PSKH2: variants seen among roughly 807,000 people sequenced by gnomAD.
PSKH2 encodes the protein serine/threonine-protein kinase H2.
PSKH2 carries 16 observed loss-of-function variants against 22.5 expected under a neutral mutation model. That is an observed-to-expected ratio of 0.71 (90% confidence interval 0.48 to 1.08). The LOEUF (loss-of-function observed/expected upper bound fraction) is 1.08, where lower values mean the gene tolerates loss of function less well. Among genes scored for constraint, PSKH2 ranks in the 50% least tolerant of loss-of-function variants. The pLI, the probability that PSKH2 is intolerant of heterozygous loss-of-function variation, is 0.00. For synonymous variants in PSKH2, 188 were observed against 184.8 expected (o/e 1.02, Z -0.14); for missense variants, 516 against 492.8 (o/e 1.05, Z -0.44).
At chr8:86,069,716 C>G (rs1361713708), upstream of PSKH2, 1 of 1,352,224 alleles carries the variant, frequency 7.4e-7, no homozygotes, top group Non-Finnish European at 9.6e-7. Flanking sequence ...CTGCGAGGGG[C>G]GGGACCCTCG....
At chr8:86,056,986 G>A (rs565179140) in intron 2 of PSKH2, among the ~76,000 whole-genome samples, 1 of 151,564 alleles carries the variant, frequency 6.6e-6, no homozygotes, top group Non-Finnish European at 1.5e-5. Flanking sequence ...CAGAAGACTG[G>A]AGTGCAGTGG....
At chr8:86,069,736 C>A (rs28701540), upstream of PSKH2, 10,142 of 1,242,686 alleles carry the variant, frequency 8.2e-3, 730 homozygotes, top group African/African-American at 0.14. Context: ...GGAAAGAAAC[C>A]CCACTGGGGG....
rs140202005 is a variant in PSKH2 at position 86,051,800 on chromosome 8, T to C, written c.853-3033A>G. ...AGCTTATTAAGATGACCCCAAATGA[T>C]TGTACGTTTAAAATGCAGTTGAAGA... On this transcript the variant is annotated intron_variant, in intron 2 of 2. Transcript: ENST00000276616. 4.9e-3 allele frequency among the ~76,000 whole-genome samples: 746 copies of C among 152,300 alleles called. 5 individuals are homozygous for C. The highest frequency in any genetic ancestry group is 0.017 in the African/African-American group (705 of 41,566).
At chr8:86,062,459 A>G (rs34954574) in intron 2 of PSKH2, among the ~76,000 whole-genome samples, 71,532 of 151,942 alleles carry the variant, frequency 0.47, 17,143 homozygotes, top group Middle Eastern at 0.5. Context: ...TCTCATCTCA[A>G]ATTGTAATCC....
In PSKH2 at chr8:86,048,484, G is replaced by A. The variant is rs754554109; in HGVS notation, c.1136C>T (p.Ser379Leu). The change falls in exon 3 of 3, where the codon TCG becomes TTG. Residue 379 changes from serine (S) to leucine (L), a missense_variant. Transcript: ENST00000276616. Reference sequence around the variant, plus strand: ...TGCTTACAAAAGCGCAGACAGTGGCGATTCTACTATCCTTAAGTTTCTCTT... The same window carrying A: ...TGCTTACAAAAGCGCAGACAGTGGCAATTCTACTATCCTTAAGTTTCTCTT... ...WSKRNLRIVESPLSALL is the reference protein window; with the variant it reads ...WSKRNLRIVELPLSALL The A allele has an allele frequency of 3.8e-5, 61 of 1,612,278 alleles. No homozygotes were observed. The highest frequency in any genetic ancestry group is 3.3e-4 in the Middle Eastern group (2 of 6,076).
chr8:86,049,674 AGAAG>A, intron 2 of PSKH2, among the ~76,000 whole-genome samples: 2 of 130,784 alleles, frequency 1.5e-5, no homozygotes, highest in African/African-American at 3.0e-5. Context: ...AGAGTGAGAA[AGAAG>A]AAAGAAAGAA....
intron 2 of PSKH2, among the ~76,000 whole-genome samples, chr8:86,054,022 C>G (rs1468995765): frequency 6.6e-6 from 1 of 152,094 alleles, no homozygotes; most frequent in African/African-American, 2.4e-5. Flanking sequence ...GGTGACAGAG[C>G]AAGACCCTGT....
chr8:86,069,466 C>T lies in PSKH2; in HGVS notation c.157G>A (p.Ala53Thr), dbSNP rs1817912525. ...AQRIQVARFR[A>T]KFDPRVLARY... The stretch of plus-strand genomic sequence containing the variant: ...GCAAGGACCCGGGGGTCGAACTTGG[C>T]TCGGAAGCGAGCCACCTGTATCCTC... Residue 53 changes from alanine to threonine, a missense_variant, in exon 1 of 3, where the codon GCC becomes ACC. Ala to Thr is a moderately conservative substitution (Grantham distance 58). Coordinates refer to ENST00000276616, the MANE Select transcript of PSKH2 (RefSeq NM_033126.3). The T allele has an allele frequency of 1.3e-6, 2 of 1,599,602 alleles. No individual in the cohort carries two copies. Among genetic ancestry groups the T allele is most frequent in the Non-Finnish European group, 1.7e-6 (2 of 1,174,116 alleles).
Position 86,049,733 on chromosome 8 carries a change from AG to A in PSKH2, c.853-967del, listed in dbSNP as rs1817594888. 1.2e-4 allele frequency among the ~76,000 whole-genome samples: 6 copies of A among 50,380 alleles called. 2 individuals carry two copies. The South Asian group carries it at 3.1e-3, about 26-fold the overall frequency. The allele number at this position is 50,380 out of a possible 152,430, so 33.1% of individuals were successfully genotyped here. On this transcript the variant is annotated intron_variant, in intron 2 of 2. Coordinates refer to ENST00000276616, the MANE Select transcript of PSKH2 (RefSeq NM_033126.3). ...AAGAAAGAAAGAAAGAAAGAAAGAA[AG>A]AAAGAAAGAAAGAAACGAAAGAAAG...
chr8:86,069,652 C>T lies in PSKH2; in HGVS notation c.-30G>A. 6.7e-7 allele frequency: 1 copy of T among 1,502,888 alleles called. No homozygotes were observed. The highest frequency in any genetic ancestry group is 8.8e-7 in the Non-Finnish European group (1 of 1,131,048). The allele number at this position is 1,502,888 out of a possible 1,614,324, so 93.1% of individuals were successfully genotyped here. ...GCAACACGCCCGCCGCTCGCGGGAC[C>T]TGGGGACTCGGGAAGCAGCCAGCCC... On this transcript the variant is annotated 5_prime_UTR_variant, in exon 1 of 3. Coordinates refer to ENST00000276616, the MANE Select transcript of PSKH2 (RefSeq NM_033126.3).
intron 2 of PSKH2, among the ~76,000 whole-genome samples, chr8:86,057,968 C>A (rs1178076114): frequency 6.6e-6 from 1 of 152,162 alleles, no homozygotes; most frequent in Non-Finnish European, 1.5e-5. Context: ...CCACGAGGCT[C>A]CTAAGAGCAG....
At chr8:86,064,830 T>C (rs530341857) in intron 1 of PSKH2, among the ~76,000 whole-genome samples, 199 bp from the exon 2 acceptor site, 1 of 152,318 alleles carries the variant, frequency 6.6e-6, no homozygotes, top group East Asian at 1.9e-4. Context: ...ATAAAGGTAA[T>C]TTGTTGGTAG....
chr8:86,050,599 G>A (rs1390586188), intron 2 of PSKH2, among the ~76,000 whole-genome samples: 2 of 152,126 alleles, frequency 1.3e-5, no homozygotes. Flanking sequence ...ACTATATTTT[G>A]TGCCTCAGCC....
intron 2 of PSKH2, among the ~76,000 whole-genome samples, chr8:86,060,931 C>T (rs1817768925): frequency 6.6e-6 from 1 of 152,194 alleles, no homozygotes. Context: ...TGTATGCATG[C>T]ACGCACCCTT....
At chr8:86,059,350 C>T (rs908648697) in intron 2 of PSKH2, among the ~76,000 whole-genome samples, 6 of 151,934 alleles carry the variant, frequency 3.9e-5, no homozygotes, top group Non-Finnish European at 8.8e-5. Flanking sequence ...TGAAAAAAGG[C>T]GAATTATTAT....
Position 86,058,093 on chromosome 8 carries a change from T to C in PSKH2, c.852+5872A>G, listed in dbSNP as rs373433376. ...TCCATAATGAGTCCTTTACTTAGCG[T>C]CTCAAGCACGAGCTCTGCCACCATC... On this transcript the variant is annotated intron_variant, in intron 2 of 2. Coordinates refer to ENST00000276616, the MANE Select transcript of PSKH2 (RefSeq NM_033126.3). Among the ~76,000 whole-genome samples, 5 of 152,220 alleles carry C rather than the reference T, an allele frequency of 3.3e-5. No individual in the cohort carries two copies. In the East Asian group the frequency reaches 9.7e-4, roughly 29 times the overall value.
At chr8:86,069,286 A>G in intron 1 of PSKH2, 152 bp downstream of exon 1, 1 of 638,464 alleles carries the variant, frequency 1.6e-6, no homozygotes, top group Non-Finnish European at 2.5e-6. Flanking sequence ...TTTACATCTC[A>G]AAAGGGCAGA....
At chr8:86,052,850 C>G (rs1429988145) in intron 2 of PSKH2, among the ~76,000 whole-genome samples, 1 of 152,094 alleles carries the variant, frequency 6.6e-6, no homozygotes, top group Non-Finnish European at 1.5e-5. Flanking sequence ...ATATTTCAGG[C>G]CTTTTTCCCC....
At chr8:86,056,625 T>C (rs1427700239) in intron 2 of PSKH2, among the ~76,000 whole-genome samples, 1 of 152,212 alleles carries the variant, frequency 6.6e-6, no homozygotes, top group Admixed American at 6.5e-5. Context: ...AAACTTTCAG[T>C]CCTAGTCTCC....
Sources: gnomAD v4.1 joint callset for allele counts (sites outside exome capture counted in the v4.1 genomes callset) on GRCh38, gnomAD v4.1.1 for gene constraint, MANE v1.5 for transcripts, NCBI Gene and HGNC (gene_info 2026-07-23, HGNC 2026-07-21) for gene names.